Variants in MARK4 observed in about 807,000 individuals in gnomAD.
MARK4 encodes microtubule affinity regulating kinase 4.
Under a neutral mutation model 81.5 loss-of-function variants are expected in MARK4, and 19 were observed. That is an observed-to-expected ratio of 0.23 (90% CI 0.16 to 0.34). The LOEUF is 0.34. MARK4 is among the 10% of genes least tolerant of loss of function. The pLI is 1.00. For synonymous variants in MARK4, 436 were observed against 439.0 expected, an observed-to-expected ratio of 0.99 and a Z score of 0.08; for missense variants, 772 against 1,058.8, an observed-to-expected ratio of 0.73 and a Z score of 3.76.
intron 12 of MARK4, among the ~76,000 whole-genome samples, chr19:45,284,870 C>T (rs1156509228): frequency 6.6e-6 from 1 of 152,050 alleles, no homozygotes; most frequent in Non-Finnish European, 1.5e-5. Flanking sequence ...CTGGGTGGAT[C>T]ACCTGAGGTC....
intron 4 of MARK4, among the ~76,000 whole-genome samples, 154 bp downstream of exon 4, chr19:45,263,521 C>T (rs1970407581): frequency 1.3e-5 from 2 of 151,914 alleles, no homozygotes; most frequent in African/African-American, 4.8e-5. Context: ...GCGGGTGGAT[C>T]ACTTGAGGTC....
chr19:45,286,877 C>T (rs1252892638), intron 12 of MARK4, among the ~76,000 whole-genome samples: 3 of 152,074 alleles, frequency 2.0e-5, no homozygotes, highest in African/African-American at 7.2e-5. Context: ...ATTGTTGACC[C>T]ATCTCTTGTC....
chr19:45,268,494 G>A (rs573643324), intron 7 of MARK4, among the ~76,000 whole-genome samples: 1 of 151,432 alleles, frequency 6.6e-6, no homozygotes, highest in African/African-American at 2.4e-5. Flanking sequence ...TGAGACATGA[G>A]AATTGCTTGA....
chr19:45,275,024 G>C (rs1464183875), intron 8 of MARK4, among the ~76,000 whole-genome samples: 1 of 152,158 alleles, frequency 6.6e-6, no homozygotes, highest in Non-Finnish European at 1.5e-5. Context: ...ACCTTGGGTG[G>C]CCGAGGCGGG....
intron 6 of MARK4, 139 bp downstream of exon 6, chr19:45,265,049 G>C (rs1970433379): frequency 1.3e-6 from 1 of 795,424 alleles, no homozygotes; most frequent in Admixed American, 2.4e-5. Context: ...GCAGAGCTGG[G>C]TGTGCTGGGC....
chr19:45,280,801 A>G, intron 12 of MARK4, 67 bp downstream of exon 12: 1 of 1,582,160 alleles, frequency 6.3e-7, no homozygotes, highest in Non-Finnish European at 8.6e-7. Context: ...CAGTTACGTC[A>G]GGGTTCTCTG....
intron 16 of MARK4, among the ~76,000 whole-genome samples, chr19:45,301,419 C>T (rs954241409): frequency 6.6e-6 from 1 of 151,938 alleles, no homozygotes; most frequent in African/African-American, 2.4e-5. Flanking sequence ...CAAAAATTAG[C>T]TGGCCGTGGT....
intron 12 of MARK4, among the ~76,000 whole-genome samples, chr19:45,283,352 T>G (rs1970701083): frequency 7.4e-6 from 1 of 135,644 alleles, no homozygotes; most frequent in South Asian, 2.2e-4. Flanking sequence ...GAGGTTGCAG[T>G]AAGCTGAGAT....
chr19:45,288,286 C>T (rs1970773732), intron 13 of MARK4: 1 of 152,412 alleles, frequency 6.6e-6, no homozygotes, highest in African/African-American at 2.4e-5. Flanking sequence ...GGCACAGTGG[C>T]TTACGCTTGT....
intron 3 of MARK4, 26 bp downstream of exon 3, chr19:45,263,192 C>G (rs1970402554): frequency 6.2e-7 from 1 of 1,611,648 alleles, no homozygotes; most frequent in African/African-American, 1.3e-5. Flanking sequence ...CGGGGGAGAG[C>G]AGGAGCCAGG....
Position 45,302,959 on chromosome 19 carries a change from T to C in MARK4, c.*249T>C. 1 of 587,160 alleles carries C rather than the reference T, an allele frequency of 1.7e-6. No homozygotes were observed. Among genetic ancestry groups the C allele is most frequent in the South Asian group, 2.1e-5 (1 of 47,022 alleles). 36.4% of individuals were successfully genotyped at this position (587,160 alleles called of 1,614,324 possible). ...CAGCCAGTCCTGTCCTCCCTCGCCC[T>C]ACCAAGAGGGCACCTGAGGAGACTT... On this transcript the variant is annotated 3_prime_UTR_variant, in exon 17 of 17. Coordinates refer to ENST00000262891, the MANE Select transcript of MARK4 (RefSeq NM_001199867.2). The surrounding 1 kb of genome is among the most constrained non-coding windows in gnomAD (Gnocchi z 4.9).
intron 13 of MARK4, among the ~76,000 whole-genome samples, chr19:45,292,576 C>T (rs1306556425): frequency 6.6e-6 from 1 of 152,026 alleles, no homozygotes; most frequent in African/African-American, 2.4e-5. Flanking sequence ...AGCAAATAAA[C>T]CTCAAAGAAA....
At chr19:45,260,960 A>G (rs1404569718) in intron 2 of MARK4, among the ~76,000 whole-genome samples, 10 of 152,206 alleles carry the variant, frequency 6.6e-5, no homozygotes, top group Non-Finnish European at 8.8e-5. Context: ...CCTAGATATG[A>G]GGTCTCTAAC....
In MARK4 at chr19:45,271,772, C is replaced by T. The variant is rs546856985; in HGVS notation, c.786+64C>T. ...CCCACAGTCAGGCCCCTATCCCCCC[C>T]ACACCTCCCCTGCAGAGGGCCTCAG... is the stretch of plus-strand genomic sequence containing the variant. On this transcript the variant is annotated intron_variant, in intron 8 of 16. Coordinates refer to ENST00000262891, the MANE Select transcript of MARK4 (RefSeq NM_001199867.2). This position sits in a 1 kb window ranked among gnomAD's most constrained non-coding sequence, Gnocchi z 4.1. 9.7e-6 allele frequency: 14 copies of T among 1,449,204 alleles called. No homozygotes were observed. The highest frequency in any genetic ancestry group is 9.1e-5 in the East Asian group (4 of 44,016). The allele number at this position is 1,449,204 out of a possible 1,614,324, so 89.8% of individuals were successfully genotyped here.
Position 45,300,852 on chromosome 19 carries a change from C to G in MARK4, c.1922+997C>G, listed in dbSNP as rs1970960527. Reference sequence around the variant, plus strand: ...TTGGTCAGACCTGGTCATGTGGTCACCCTTGACCCAAGCACAGTGGCCGGG... The same window carrying G: ...TTGGTCAGACCTGGTCATGTGGTCAGCCTTGACCCAAGCACAGTGGCCGGG... On this transcript the variant is annotated intron_variant, in intron 16 of 16. Transcript: ENST00000262891. Among the ~76,000 whole-genome samples the G allele has an allele frequency of 3.3e-5, 5 of 152,054 alleles. No individual in the cohort carries two copies. In the South Asian group the frequency reaches 1.0e-3, roughly 32 times the overall value.
At chr19:45,283,386 G>A (rs890631009) in intron 12 of MARK4, among the ~76,000 whole-genome samples, 2 of 141,370 alleles carry the variant, frequency 1.4e-5, no homozygotes, top group Non-Finnish European at 3.0e-5. Flanking sequence ...TCTAGCCTGG[G>A]CGATAAGAGT....
At chr19:45,278,458 T>G (rs2123067518) in intron 9 of MARK4, 58 bp from the exon 10 acceptor site, 2 of 1,464,158 alleles carry the variant, frequency 1.4e-6, no homozygotes, top group Non-Finnish European at 9.6e-7. Flanking sequence ...AGAAGCTGTA[T>G]GATTTCTGGT....
chr19:45,276,855 G>A (rs1249594952), intron 8 of MARK4, among the ~76,000 whole-genome samples: 1 of 150,358 alleles, frequency 6.7e-6, no homozygotes, highest in Non-Finnish European at 1.5e-5. Context: ...GGCTGGTTTC[G>A]ATCTCCTGAC....
Position 45,293,010 on chromosome 19 carries a change from G to A in MARK4, c.1495-1339G>A, listed in dbSNP as rs567163022. Among the ~76,000 whole-genome samples, 51 of 152,310 alleles carry A rather than the reference G, an allele frequency of 3.3e-4. 2 individuals carry two copies. The South Asian group carries it at 0.01, about 31-fold the overall frequency. On this transcript the variant is annotated intron_variant, in intron 13 of 16. Coordinates refer to ENST00000262891, the MANE Select transcript of MARK4 (RefSeq NM_001199867.2). The stretch of plus-strand genomic sequence containing the variant: ...AGTCTGGGCGTGGTGGCTCATGCCT[G>A]TAATCCCAGCACTTTGGGAGGCTGA...
Sources: allele counts gnomAD v4.1 joint callset (sites outside exome capture counted in the v4.1 genomes callset), GRCh38; gene constraint gnomAD v4.1.1; non-coding constraint Gnocchi (gnomAD v3.1); transcripts MANE v1.5; gene names NCBI Gene and HGNC (gene_info 2026-07-23, HGNC 2026-07-21).